Variants in HEXB observed in about 807,000 individuals in gnomAD.
The protein encoded by HEXB is hexosaminidase subunit beta.
A neutral mutation model predicts 71.2 loss-of-function variants in HEXB; 51 were observed. The observed-to-expected ratio is 0.72, with a 90% CI of 0.57 to 0.90. The LOEUF is 0.90. Among genes scored for constraint, HEXB ranks in the 40% least tolerant of loss-of-function variants. The pLI, the probability that HEXB is intolerant of heterozygous loss-of-function variation, is 0.00. For missense variants in HEXB, 617 were observed against 677.0 expected (o/e 0.91, Z 0.98); for synonymous variants, 266 against 249.3 (o/e 1.07, Z -0.63).
chr5:74,648,616 T>A (rs937733282), intron 1 of HEXB, among the ~76,000 whole-genome samples: 13 of 152,208 alleles, frequency 8.5e-5, no homozygotes, highest in African/African-American at 3.1e-4. Context: ...CTACACCTCT[T>A]CTAGGACACT....
intron 2 of HEXB, chr5:74,689,730 T>C (rs1748954903): frequency 2.0e-6 from 1 of 499,344 alleles, no homozygotes; most frequent in Non-Finnish European, 3.6e-6. Context: ...ACTGTCATTT[T>C]AGGTGTATTT....
Position 74,715,582 on chromosome 5 carries a change from C to T in HEXB, c.974C>T (p.Thr325Ile), listed in dbSNP as rs755345211. Reference protein sequence around the residue: ...KLDSFGPINPTLNTTYSFLTT... With the variant: ...KLDSFGPINPILNTTYSFLTT... ...GACTCTTTTGGACCTATAAACCCTA[C>T]TCTGAATACAACATACAGCTTCCTT... Residue 325 changes from threonine to isoleucine, a missense_variant, in exon 8 of 14, where the codon ACT (threonine) becomes ATT (isoleucine). Thr to Ile is a moderately conservative substitution (Grantham distance 89). Transcript: ENST00000261416. The T allele has an allele frequency of 8.1e-6, 13 of 1,610,496 alleles. No homozygotes were observed. Among genetic ancestry groups the T allele is most frequent in the African/African-American group, 2.7e-5 (2 of 74,832 alleles).
rs1046567538 is a variant in HEXB, at chr5:74,691,653, G to A, written c.446-1986G>A. Among the ~76,000 whole-genome samples, 7 of 152,252 alleles carry A rather than the reference G, an allele frequency of 4.6e-5. No homozygotes were observed. The South Asian group carries it at 6.2e-4, about 14-fold the overall frequency. Reference sequence around the variant, plus strand: ...AAGCAATACTATATTTTCTCCTTCCGTGTACATCTATGTCAAGCCTAAGAA... The same window carrying A: ...AAGCAATACTATATTTTCTCCTTCCATGTACATCTATGTCAAGCCTAAGAA... On this transcript the variant is annotated intron_variant, in intron 2 of 13. Transcript: ENST00000261416.
At chr5:74,664,588 A>C (rs547288022) in intron 1 of HEXB, among the ~76,000 whole-genome samples, 2 of 152,264 alleles carry the variant, frequency 1.3e-5, no homozygotes, top group African/African-American at 4.8e-5. Context: ...TGAACTATAA[A>C]AAAACAAATT....
chr5:74,674,108 A>G (rs1013784671), intron 1 of HEXB, among the ~76,000 whole-genome samples: 1 of 152,178 alleles, frequency 6.6e-6, no homozygotes. Context: ...CAGAATTACA[A>G]CATTATTATT....
chr5:74,671,563 A>G (rs1748540057), intron 1 of HEXB, among the ~76,000 whole-genome samples: 1 of 152,152 alleles, frequency 6.6e-6, no homozygotes, highest in Admixed American at 6.5e-5. Context: ...GGGAGATTGC[A>G]AAAGGGCCTG....
chr5:74,708,005 G>T (rs954830990), intron 6 of HEXB, among the ~76,000 whole-genome samples: 1 of 151,890 alleles, frequency 6.6e-6, no homozygotes, highest in Non-Finnish European at 1.5e-5. Flanking sequence ...CACCAAAGTT[G>T]AAATGAAGGA....
chr5:74,707,822 C>CTGAAAG (rs201921624), intron 6 of HEXB, among the ~76,000 whole-genome samples: 7 of 151,440 alleles, frequency 4.6e-5, no homozygotes, highest in African/African-American at 7.3e-5. Flanking sequence ...ATTGGTGTAC[C>CTGAAAG]TGAAAGTGAA....
At chr5:74,718,431 A>C (rs1749729406) in intron 10 of HEXB, 68 bp downstream of exon 10, 1 of 1,170,066 alleles carries the variant, frequency 8.5e-7, no homozygotes, top group African/African-American at 1.5e-5. Context: ...GGCAACTGGG[A>C]ATTTGCAAGT....
chr5:74,657,079 C>T (rs914535520), intron 1 of HEXB, among the ~76,000 whole-genome samples: 4 of 152,136 alleles, frequency 2.6e-5, no homozygotes, highest in Non-Finnish European at 5.9e-5. Context: ...CACAGTCACC[C>T]CTGGTCAACA....
chr5:74,681,547 C>T (rs1748739477), upstream of HEXB, among the ~76,000 whole-genome samples: 1 of 152,084 alleles, frequency 6.6e-6, no homozygotes, highest in Admixed American at 6.5e-5. Context: ...TAGTGAGACC[C>T]CATTTCTAAA....
At position 74,693,424 on chromosome 5, in the gene HEXB, C is replaced by A. The variant is rs903927537; in HGVS notation, c.446-215C>A. On this transcript the variant is annotated intron_variant, in intron 2 of 13. Transcript: ENST00000261416. ...CAGAAGACCAGCAGGTTGAAGTGTG[C>A]GGAGGAGGGAGGGAAGAGTTCTGTT... is the stretch of plus-strand genomic sequence containing the variant. 11 of 612,954 alleles carry A rather than the reference C, an allele frequency of 1.8e-5. No individual in the cohort carries two copies. In the African/African-American group the frequency reaches 2.0e-4, roughly 11 times the overall value. The allele number at this position is 612,954 out of a possible 1,614,324, so 38.0% of individuals were successfully genotyped here.
At chr5:74,661,482 C>CAAAGAAGTCATG (rs1748317986) in intron 1 of HEXB, among the ~76,000 whole-genome samples, 1 of 149,848 alleles carries the variant, frequency 6.7e-6, no homozygotes, top group East Asian at 2.0e-4. Context: ...GGTGTTACAA[C>CAAAGAAGTCATG]AAAGAAGTCA....
rs2112189981 is a variant in HEXB at position 74,721,252 on chromosome 5, A to C, written c.*77A>C. 8.5e-7 allele frequency: 1 copy of C among 1,171,882 alleles called. No individual in the cohort carries two copies. The allele number at this position is 1,171,882 out of a possible 1,614,324, so 72.6% of individuals were successfully genotyped here. A position where few individuals can be genotyped will look rare whatever the true frequency, so the allele number is the denominator to read the frequency against. ...TTGAAATCATGTAAAATAAGATATTAGACTGTTTTTTGAATAAAATATTTT... is the reference window on the plus strand; with the variant it reads ...TTGAAATCATGTAAAATAAGATATTCGACTGTTTTTTGAATAAAATATTTT... On this transcript the variant is annotated 3_prime_UTR_variant, in exon 14 of 14. Transcript: ENST00000261416.
chr5:74,654,770 T>G (rs1748185910), intron 1 of HEXB, among the ~76,000 whole-genome samples: 1 of 152,152 alleles, frequency 6.6e-6, no homozygotes, highest in Non-Finnish European at 1.5e-5. Flanking sequence ...ACACTCTGGC[T>G]GCCATGTGGG....
rs1161835946 is a variant in HEXB, at chr5:74,641,702, A to T, written c.-377+1144A>T. On this transcript the variant is annotated intron_variant, in intron 1 of 13. Transcript: ENST00000511181. The surrounding 1 kb of genome is among the most constrained non-coding windows in gnomAD (Gnocchi z 4.1). ...AGAAGGGAAGGCGATTCGAAAAATA[A>T]TCTCGCGTGGTGATCACTTTTACGA... Among the ~76,000 whole-genome samples, 1 of 152,212 alleles carries T rather than the reference A, an allele frequency of 6.6e-6. No individual in the cohort carries two copies. The highest frequency in any genetic ancestry group is 1.5e-5 in the Non-Finnish European group (1 of 68,046).
intron 7 of HEXB, among the ~76,000 whole-genome samples, 166 bp downstream of exon 7, chr5:74,713,801 C>G (rs1195381716): frequency 6.6e-6 from 1 of 152,096 alleles, no homozygotes; most frequent in Non-Finnish European, 1.5e-5. Flanking sequence ...GTAGCTGAGA[C>G]TACAGGCATG....
rs968618265 is a variant in HEXB, at chr5:74,661,492, A to G, written c.-377+20934A>G. ...ACAGTGGTGTTACAACAAAGAAGTCATGAATTCATTTTCTCTCTCTCTGTG... is the reference window on the plus strand; with the variant it reads ...ACAGTGGTGTTACAACAAAGAAGTCGTGAATTCATTTTCTCTCTCTCTGTG... On this transcript the variant is annotated intron_variant, in intron 1 of 13. Transcript: ENST00000511181. 6.6e-5 allele frequency among the ~76,000 whole-genome samples: 10 copies of G among 150,514 alleles called. No individual in the cohort carries two copies. In the East Asian group the frequency reaches 1.8e-3, roughly 27 times the overall value.
At chr5:74,709,052 C>T (rs1365577635) in intron 6 of HEXB, among the ~76,000 whole-genome samples, 1 of 151,486 alleles carries the variant, frequency 6.6e-6, no homozygotes, top group Non-Finnish European at 1.5e-5. Flanking sequence ...GTAAAGCTCT[C>T]CTCAGCAAAT....
Sources: gnomAD v4.1 joint callset for allele counts (sites outside exome capture counted in the v4.1 genomes callset) on GRCh38, gnomAD v4.1.1 for gene constraint, Gnocchi (gnomAD v3.1) non-coding constraint, MANE v1.5 for transcripts, NCBI Gene and HGNC (gene_info 2026-07-23, HGNC 2026-07-21) for gene names.